MEIS2: variants seen among roughly 807,000 people sequenced by gnomAD.
MEIS2 encodes homeobox protein Meis2.
A neutral mutation model predicts 58.6 loss-of-function variants in MEIS2; 9 were observed. That is an observed-to-expected ratio of 0.15 (90% CI 0.09 to 0.27). The LOEUF (loss-of-function observed/expected upper bound fraction) is 0.27, where lower values mean the gene tolerates loss of function less well. Ranked by LOEUF, MEIS2 falls within the 10% of genes least tolerant of loss-of-function variation. The probability of loss-of-function intolerance (pLI) is 1.00; values close to 1 mark genes in which losing one functional copy is unlikely to be tolerated. For synonymous variants in MEIS2, 221 were observed against 228.4 expected, an observed-to-expected ratio of 0.97 and a Z score of 0.29; for missense variants, 427 against 635.0, an observed-to-expected ratio of 0.67 and a Z score of 3.52.
chr15:36,897,694 T>C (rs762307062), intron 9 of MEIS2: 1 of 152,192 alleles, frequency 6.6e-6, no homozygotes, highest in African/African-American at 2.4e-5. Context: ...TTTGAGCTCA[T>C]GCACACGATT....
At chr15:37,063,625 A>G (rs945680605) in intron 7 of MEIS2, among the ~76,000 whole-genome samples, 1 of 152,184 alleles carries the variant, frequency 6.6e-6, no homozygotes, top group African/African-American at 2.4e-5. Context: ...TATTGCTGCC[A>G]TATTTGGGTA....
Position 37,099,820 on chromosome 15 carries a change from A to AAAGAAAAAG in MEIS2, c.-363_-355dup, listed in dbSNP as rs983527715. 2 of 247,146 alleles carry AAAGAAAAAG rather than the reference A, an allele frequency of 8.1e-6. No homozygotes were observed. Among genetic ancestry groups the AAAGAAAAAG allele is most frequent in the Non-Finnish European group, 1.5e-5 (2 of 135,350 alleles). 15.3% of individuals were successfully genotyped at this position (247,146 alleles called of 1,614,324 possible). On this transcript the variant is annotated 5_prime_UTR_variant, in exon 1 of 12. Coordinates refer to ENST00000561208, the MANE Select transcript of MEIS2 (RefSeq NM_170675.5). ...CCTCAGTTGGAAAAAAAAAGAAAGAAAAGAAAAAGAAGAAAAAGAAGAAAA... is the reference window on the plus strand; with the variant it reads ...CCTCAGTTGGAAAAAAAAAGAAAGAAAAGAAAAAGAAGAAAAAGAAGAAAAAGAAGAAAA...
At chr15:36,895,045 C>T (rs2056096497) in intron 11 of MEIS2, 106 bp downstream of exon 11, 1 of 1,043,290 alleles carries the variant, frequency 9.6e-7, no homozygotes, top group Admixed American at 2.1e-5. Flanking sequence ...AGGCAGCAGG[C>T]AAATGTTAAA....
chr15:37,095,681 A>T (rs187932127), intron 3 of MEIS2, 67 bp from the exon 4 acceptor site: 1 of 1,610,524 alleles, frequency 6.2e-7, no homozygotes, highest in East Asian at 2.2e-5. Context: ...AAATGTGAGA[A>T]TGGGTACGGT....
chr15:36,894,269 A>G (rs2056047654), intron 11 of MEIS2: 1 of 156,888 alleles, frequency 6.4e-6, no homozygotes, highest in African/African-American at 2.4e-5. Flanking sequence ...TCATCTTTGC[A>G]TATAAGATAA....
At chr15:36,961,328 C>T (rs940556826) in intron 8 of MEIS2, among the ~76,000 whole-genome samples, 2 of 152,068 alleles carry the variant, frequency 1.3e-5, no homozygotes, top group African/African-American at 2.4e-5. Flanking sequence ...ATCTAATCTA[C>T]ACCATAACCA....
At chr15:36,956,188 CAAA>C (rs372946912) in intron 8 of MEIS2, among the ~76,000 whole-genome samples, 39 of 56,654 alleles carry the variant, frequency 6.9e-4, no homozygotes, top group Non-Finnish European at 9.5e-4. Flanking sequence ...AACTCCATCT[CAAA>C]AAAAAAAAAA....
intron 9 of MEIS2, among the ~76,000 whole-genome samples, chr15:36,924,341 G>A (rs1426414399): frequency 6.6e-6 from 1 of 152,212 alleles, no homozygotes. Flanking sequence ...CCACCACTGT[G>A]TGCACGGCTG....
chr15:36,994,267 G>C (rs913442846), intron 8 of MEIS2, among the ~76,000 whole-genome samples: 2 of 152,098 alleles, frequency 1.3e-5, no homozygotes, highest in African/African-American at 4.8e-5. Context: ...CCCCCATGAT[G>C]AAATAAATTA....
intron 8 of MEIS2, among the ~76,000 whole-genome samples, chr15:37,032,186 C>T (rs2061957392): frequency 1.3e-5 from 2 of 152,156 alleles, no homozygotes; most frequent in Admixed American, 6.5e-5. Flanking sequence ...AGCTTTATCC[C>T]TATGTTTTCA....
At chr15:36,944,741 C>G (rs1171598010) in intron 9 of MEIS2, among the ~76,000 whole-genome samples, 1 of 152,058 alleles carries the variant, frequency 6.6e-6, no homozygotes, top group East Asian at 1.9e-4. Context: ...GAAATAATCA[C>G]TGAAGATGGC....
intron 9 of MEIS2, among the ~76,000 whole-genome samples, chr15:36,947,282 G>A (rs1236554603): frequency 2.0e-5 from 3 of 151,926 alleles, no homozygotes; most frequent in Non-Finnish European, 4.4e-5. Flanking sequence ...ACTCCCTACT[G>A]TAAATACACT....
chr15:37,043,649 C>A (rs1483908191), intron 7 of MEIS2, among the ~76,000 whole-genome samples: 1 of 150,570 alleles, frequency 6.6e-6, no homozygotes, highest in Admixed American at 6.6e-5. Context: ...TTTCAGTAAC[C>A]AGTTCTCTAT....
rs538790504 is a variant in MEIS2, at chr15:37,099,352, G to A, written c.12+103C>T. 9.4e-5 allele frequency: 148 copies of A among 1,567,516 alleles called. 1 individual carries two copies. The East Asian group carries it at 1.3e-3, about 14-fold the overall frequency. ...TTAAAATACTGGCCGCCATCATCAA[G>A]CAGCGAGCAGCAGCAGAAGCGTTGA... On this transcript the variant is annotated intron_variant, in intron 1 of 11. Coordinates refer to ENST00000561208, the MANE Select transcript of MEIS2 (RefSeq NM_170675.5).
intron 8 of MEIS2, among the ~76,000 whole-genome samples, chr15:37,024,880 C>G (rs980153756): frequency 6.6e-6 from 1 of 152,196 alleles, no homozygotes; most frequent in Admixed American, 6.5e-5. Flanking sequence ...ATGCCCAAAG[C>G]CCCAACCAGC....
At chr15:37,056,256 TATC>T (rs1567235244) in intron 7 of MEIS2, among the ~76,000 whole-genome samples, 2 of 152,276 alleles carry the variant, frequency 1.3e-5, no homozygotes, top group East Asian at 3.9e-4. Context: ...TAGCCCAAAA[TATC>T]ATGCTCGCAG....
chr15:36,991,783 CTTTTTTTTTT>C (rs11285545), intron 8 of MEIS2, among the ~76,000 whole-genome samples: 10 of 51,042 alleles, frequency 2.0e-4, no homozygotes, highest in African/African-American at 7.6e-4. Flanking sequence ...TTTTTTTTTT[CTTTTTTTTTT>C]TTTTTTTTTT....
chr15:36,994,743 A>G (rs952225829), intron 8 of MEIS2, among the ~76,000 whole-genome samples: 9 of 152,222 alleles, frequency 5.9e-5, no homozygotes, highest in Non-Finnish European at 1.3e-4. Context: ...ATTTATTTTC[A>G]AGCACAAACA....
At chr15:36,946,996 T>C (rs2058590129) in intron 9 of MEIS2, among the ~76,000 whole-genome samples, 2 of 152,002 alleles carry the variant, frequency 1.3e-5, no homozygotes. Flanking sequence ...GCTATTCCTC[T>C]CTCCTAACGC....
Sources: allele counts gnomAD v4.1 joint callset (sites outside exome capture counted in the v4.1 genomes callset), GRCh38; gene constraint gnomAD v4.1.1; transcripts MANE v1.5; gene names NCBI Gene and HGNC (gene_info 2026-07-23, HGNC 2026-07-21).